CCDC178: variants seen among roughly 807,000 people sequenced by gnomAD.
CCDC178 encodes coiled-coil domain-containing protein 178.
In CCDC178, 126 loss-of-function variants were observed where a neutral mutation model predicts 117.4. That is an observed-to-expected ratio of 1.07 (90% CI 0.93 to 1.24). CCDC178 has a LOEUF of 1.24. CCDC178 is among the 50% of genes most tolerant of loss of function. CCDC178 has a pLI of 0.00. For missense variants in CCDC178, 1,030 were observed against 986.9 expected (o/e 1.04, Z -0.59); for synonymous variants, 283 against 313.4 (o/e 0.90, Z 1.02).
At chr18:33,335,883 T>G (rs538171228) in intron 9 of CCDC178, among the ~76,000 whole-genome samples, 123 of 152,248 alleles carry the variant, frequency 8.1e-4, no homozygotes, top group Admixed American at 2.2e-3. Flanking sequence ...TTCATGTGTT[T>G]TATGATATTT....
rs1053769587 is a variant in CCDC178, at chr18:33,080,330, G to A, written c.2388+12431C>T. Among the ~76,000 whole-genome samples the A allele has an allele frequency of 2.0e-5, 3 of 152,008 alleles. No homozygotes were observed. In the East Asian group the frequency reaches 5.8e-4, roughly 29 times the overall value. On this transcript the variant is annotated intron_variant, in intron 21 of 22. Coordinates refer to ENST00000383096, the MANE Select transcript of CCDC178 (RefSeq NM_001105528.4). ...GAAAATAGGTACTATGTTTAGTACC[G>A]GTGTGACAAAATAATCTGTACACCA...
chr18:33,249,774 C>T (rs1024767325), intron 14 of CCDC178, among the ~76,000 whole-genome samples: 1 of 151,860 alleles, frequency 6.6e-6, no homozygotes. Context: ...TCCATATGAA[C>T]TTTAAAGTAG....
intron 21 of CCDC178, among the ~76,000 whole-genome samples, chr18:33,010,773 A>T (rs1167402800): frequency 6.6e-6 from 1 of 152,188 alleles, no homozygotes; most frequent in Non-Finnish European, 1.5e-5. Context: ...TAAGGGCTTA[A>T]GCCTAAATTA....
intron 3 of CCDC178, among the ~76,000 whole-genome samples, chr18:33,408,617 T>A (rs1208677708): frequency 6.6e-6 from 1 of 152,114 alleles, no homozygotes; most frequent in African/African-American, 2.4e-5. Context: ...ATATATAATT[T>A]TATCAATATT....
intron 22 of CCDC178, among the ~76,000 whole-genome samples, chr18:32,970,641 A>C (rs1179868609): frequency 6.6e-6 from 1 of 152,064 alleles, no homozygotes; most frequent in Non-Finnish European, 1.5e-5. Context: ...AAGTCACTCT[A>C]GCATGTTTTC....
At chr18:33,266,324 C>T (rs2059813766) in intron 14 of CCDC178, among the ~76,000 whole-genome samples, 1 of 151,782 alleles carries the variant, frequency 6.6e-6, no homozygotes, top group South Asian at 2.1e-4. Context: ...GTAGCCAGCT[C>T]AGTTATCAGA....
At chr18:33,340,285 A>G (rs1016947419) in intron 9 of CCDC178, among the ~76,000 whole-genome samples, 74 of 152,278 alleles carry the variant, frequency 4.9e-4, no homozygotes, top group African/African-American at 1.8e-3. Flanking sequence ...TATCTGGTGG[A>G]AGAAACCCTA....
chr18:32,969,221 T>C (rs1029431558), intron 22 of CCDC178, among the ~76,000 whole-genome samples: 1 of 151,848 alleles, frequency 6.6e-6, no homozygotes, highest in Non-Finnish European at 1.5e-5. Flanking sequence ...CACATACTAG[T>C]GGGTGAGAAG....
chr18:33,304,838 C>T (rs144053819), intron 11 of CCDC178, among the ~76,000 whole-genome samples: 1 of 152,226 alleles, frequency 6.6e-6, no homozygotes, highest in East Asian at 1.9e-4. Flanking sequence ...TGGAAGGCAC[C>T]ATAAAAGGAT....
intron 2 of CCDC178, among the ~76,000 whole-genome samples, chr18:33,429,787 T>C (rs4799697): frequency 6.6e-6 from 1 of 151,972 alleles, no homozygotes; most frequent in South Asian, 2.1e-4. Flanking sequence ...AGCTAGAGAA[T>C]AGAGAGTATT....
chr18:33,063,509 TC>T (rs1416274734), intron 21 of CCDC178, among the ~76,000 whole-genome samples: 1 of 152,104 alleles, frequency 6.6e-6, no homozygotes, highest in African/African-American at 2.4e-5. Flanking sequence ...CTGCATGCTT[TC>T]CTGGGAACCT....
intron 21 of CCDC178, among the ~76,000 whole-genome samples, chr18:33,049,170 C>T (rs951564563): frequency 6.6e-6 from 1 of 151,870 alleles, no homozygotes; most frequent in Non-Finnish European, 1.5e-5. Flanking sequence ...TTTTTCATAG[C>T]CTCACAATAA....
intron 21 of CCDC178, among the ~76,000 whole-genome samples, chr18:32,999,932 C>A (rs895119271): frequency 6.6e-6 from 1 of 151,988 alleles, no homozygotes. Context: ...ATTAACTCTG[C>A]AATGTCTAGG....
intron 14 of CCDC178, among the ~76,000 whole-genome samples, chr18:33,252,604 T>C (rs2144717372): frequency 1.3e-5 from 2 of 151,892 alleles, no homozygotes; most frequent in South Asian, 4.1e-4. Context: ...CATAGCTAAA[T>C]GGGTATGAAA....
intron 21 of CCDC178, among the ~76,000 whole-genome samples, chr18:32,977,701 C>T (rs764197842): frequency 6.6e-6 from 1 of 152,078 alleles, no homozygotes; most frequent in Non-Finnish European, 1.5e-5. Flanking sequence ...TGAAAAGTCA[C>T]CTACAGCAAA....
intron 20 of CCDC178, among the ~76,000 whole-genome samples, chr18:33,104,010 G>C (rs1482614587): frequency 1.3e-5 from 2 of 151,718 alleles, no homozygotes; most frequent in Non-Finnish European, 2.9e-5. Context: ...AATAAATTTT[G>C]CATAAATCAG....
At chr18:33,009,489 T>C (rs1396295242) in intron 21 of CCDC178, among the ~76,000 whole-genome samples, 1 of 152,168 alleles carries the variant, frequency 6.6e-6, no homozygotes, top group Non-Finnish European at 1.5e-5. Context: ...TTGTGTATTC[T>C]GCATTACTGC....
At chr18:33,313,976 G>C (rs966854186) in intron 11 of CCDC178, among the ~76,000 whole-genome samples, 1 of 151,578 alleles carries the variant, frequency 6.6e-6, no homozygotes, top group African/African-American at 2.4e-5. Flanking sequence ...CGAGGCGGGC[G>C]GATCACGAGG....
chr18:33,254,362 C>A (rs1318849921), intron 14 of CCDC178, among the ~76,000 whole-genome samples: 1 of 150,790 alleles, frequency 6.6e-6, no homozygotes. Flanking sequence ...AATAAGCAAA[C>A]CGGCAGTAAC....
Sources: gnomAD v4.1 joint callset for allele counts (sites outside exome capture counted in the v4.1 genomes callset) on GRCh38, gnomAD v4.1.1 for gene constraint, MANE v1.5 for transcripts, NCBI Gene and HGNC (gene_info 2026-07-23, HGNC 2026-07-21) for gene names.